Variants in SMC4 observed in about 807,000 individuals in gnomAD.
The protein encoded by SMC4 is structural maintenance of chromosomes protein 4.
In SMC4, 87 loss-of-function variants were observed where a neutral mutation model predicts 145.6. The observed-to-expected ratio is 0.60, with a 90% CI of 0.50 to 0.71. SMC4 has a LOEUF of 0.71. Ranked by LOEUF, SMC4 falls within the 30% of genes least tolerant of loss-of-function variation. The pLI, the probability that SMC4 is intolerant of heterozygous loss-of-function variation, is 0.00. For synonymous variants in SMC4, 558 were observed against 500.7 expected, an observed-to-expected ratio of 1.11 and a Z score of -1.53; for missense variants, 1,447 against 1,537.1, an observed-to-expected ratio of 0.94 and a Z score of 0.98.
chr3:160,423,221 A>G (rs1397685986), intron 13 of SMC4, among the ~76,000 whole-genome samples: 1 of 152,180 alleles, frequency 6.6e-6, no homozygotes, highest in African/African-American at 2.4e-5. Context: ...AGATCAGTTT[A>G]GATAGTATAG....
chr3:160,423,868 C>A, intron 15 of SMC4, 28 bp downstream of exon 15: 3 of 1,223,090 alleles, frequency 2.5e-6, no homozygotes, highest in African/African-American at 1.6e-5. Context: ...TGTATCCAGA[C>A]TTTTTTTTTT....
Position 160,433,210 on chromosome 3 carries a change from G to A in SMC4, c.3714+1G>A. 1 of 1,597,434 alleles carries A rather than the reference G, an allele frequency of 6.3e-7. No individual in the cohort carries two copies. The highest frequency in any genetic ancestry group is 8.6e-7 in the Non-Finnish European group (1 of 1,169,356). On this transcript the variant is annotated splice_donor_variant, in intron 23 of 23. Transcript: ENST00000357388. LOFTEE classifies it high-confidence loss of function. Reference sequence around the variant, plus strand: ...GTCCATTGTTGCATTTTATATATATGTAAGTAATCATTTTGGGATTTTCAT... The same window carrying A: ...GTCCATTGTTGCATTTTATATATATATAAGTAATCATTTTGGGATTTTCAT...
At chr3:160,413,874 C>T in intron 8 of SMC4, 1 of 318,468 alleles carries the variant, frequency 3.1e-6, no homozygotes, top group Non-Finnish European at 5.8e-6. Flanking sequence ...CATTTGGCTT[C>T]ACAGTTTAAT....
Position 160,428,941 on chromosome 3 carries a change from A to T in SMC4, c.2794A>T (p.Arg932Ter). Reference sequence around the variant, plus strand: ...CCAAGTAGCAATCAAGACTGCTGACAGGTAGAGTATGCATGTTACCCTAAC... The same window carrying T: ...CCAAGTAGCAATCAAGACTGCTGACTGGTAGAGTATGCATGTTACCCTAAC... ...KAQVAIKTAD[R>*]NLQKAQDSVL... Residue 932 changes from arginine to a stop codon, truncating the protein, a stop_gained and splice_region_variant, in exon 18 of 24, where the codon AGA becomes TGA. Coordinates refer to ENST00000357388, the MANE Select transcript of SMC4 (RefSeq NM_001002800.3). LOFTEE classifies it high-confidence loss of function. The T allele has an allele frequency of 6.3e-7, 1 of 1,582,504 alleles. No homozygotes were observed. Among genetic ancestry groups the T allele is most frequent in the South Asian group, 1.2e-5 (1 of 85,256 alleles).
intron 9 of SMC4, among the ~76,000 whole-genome samples, chr3:160,415,593 G>A (rs563683920): frequency 7.5e-4 from 114 of 152,182 alleles, no homozygotes; most frequent in Non-Finnish European, 1.2e-3. Flanking sequence ...TGATAAATAC[G>A]TTGAGTCAGT....
chr3:160,427,811 G>A (rs549977685), intron 17 of SMC4, among the ~76,000 whole-genome samples: 49 of 152,244 alleles, frequency 3.2e-4, no homozygotes, highest in African/African-American at 1.0e-3. Context: ...ATTGGGCTGC[G>A]CATGGTGGCT....
At chr3:160,405,021 G>GT (rs1715165277) in intron 5 of SMC4, among the ~76,000 whole-genome samples, 1 of 151,894 alleles carries the variant, frequency 6.6e-6, no homozygotes. Context: ...TTTAATCTTT[G>GT]TAACACTTTG....
chr3:160,417,488 C>T (rs928434093), intron 10 of SMC4: 33 of 493,960 alleles, frequency 6.7e-5, no homozygotes, highest in Non-Finnish European at 9.7e-5. Context: ...TATTCCTCAG[C>T]GTAATGATCG....
At position 160,425,503 on chromosome 3, in the gene SMC4, A is replaced by C. The variant is rs146184616; in HGVS notation, c.2478+484A>C. Among the ~76,000 whole-genome samples the C allele has an allele frequency of 4.5e-3, 679 of 152,234 alleles. 6 individuals are homozygous for C. The highest frequency in any genetic ancestry group is 0.016 in the African/African-American group (655 of 41,536). On this transcript the variant is annotated intron_variant, in intron 16 of 23. Coordinates refer to ENST00000357388, the MANE Select transcript of SMC4 (RefSeq NM_001002800.3). ...TATAAAGTGTGCATATGGTTTTTTTAATGTCATACTAGCTTTTCTTAAATT... is the reference window on the plus strand; with the variant it reads ...TATAAAGTGTGCATATGGTTTTTTTCATGTCATACTAGCTTTTCTTAAATT...
chr3:160,432,339 C>T lies in SMC4; in HGVS notation c.3354C>T (p.Asp1118=), dbSNP rs760560786. The T allele has an allele frequency of 1.2e-6, 2 of 1,613,026 alleles. No individual in the cohort carries two copies. Among genetic ancestry groups the T allele is most frequent in the Admixed American group, 1.7e-5 (1 of 59,796 alleles). The part of the protein sequence containing the change: ...AELDKITYER[D]SFRQAYEDLR... ...TGGACAAAATTACTTATGAAAGAGA[C>T]AGTTTTAGACAGGCATATGAAGATC... Residue 1118 remains aspartate, a synonymous_variant, in exon 22 of 24, where the codon GAC becomes GAT. Coordinates refer to ENST00000357388, the MANE Select transcript of SMC4 (RefSeq NM_001002800.3).
chr3:160,401,061 G>T, intron 2 of SMC4, 96 bp downstream of exon 2: 1 of 1,328,110 alleles, frequency 7.5e-7, no homozygotes, highest in Non-Finnish European at 9.6e-7. Context: ...TGAGCGCGGA[G>T]TTGACATCTG....
At chr3:160,413,447 TC>T in intron 7 of SMC4, 25 bp from the exon 8 acceptor site, 2 of 1,561,450 alleles carry the variant, frequency 1.3e-6, no homozygotes, top group Non-Finnish European at 8.6e-7. Context: ...AGCTTCAATT[TC>T]TTTTTTTTTT....
chr3:160,406,154 G>A (rs1169567065), intron 5 of SMC4, among the ~76,000 whole-genome samples: 6 of 152,070 alleles, frequency 3.9e-5, no homozygotes, highest in Non-Finnish European at 8.8e-5. Context: ...GGATGCTAAA[G>A]CCAATTTGTT....
chr3:160,409,251 G>A (rs1715695497), intron 5 of SMC4, among the ~76,000 whole-genome samples: 2 of 114,426 alleles, frequency 1.7e-5, no homozygotes, highest in African/African-American at 7.0e-5. Context: ...GGGCGACAGA[G>A]CGAAACTCCG....
chr3:160,431,169 T>C lies in SMC4; in HGVS notation c.3078T>C (p.Ala1026=), dbSNP rs1718363996. ...LKLEQIDGHI[A]EHNSKIKYWH... is the part of the protein sequence containing the mutation. ...TTGAACAAATAGATGGTCACATTGC[T>C]GAACATAATTCTAAAATAAAATATT... The change falls in exon 20 of 24, where the codon GCT becomes GCC. Residue 1026 remains alanine (A), a synonymous_variant. Transcript: ENST00000357388. The C allele has an allele frequency of 6.3e-7, 1 of 1,591,420 alleles. No homozygotes were observed. Among genetic ancestry groups the C allele is most frequent in the African/African-American group, 1.4e-5 (1 of 73,384 alleles).
chr3:160,411,123 A>G (rs1252369537), intron 5 of SMC4, among the ~76,000 whole-genome samples: 2 of 151,902 alleles, frequency 1.3e-5, no homozygotes, highest in African/African-American at 4.8e-5. Context: ...TTTTCTCTTT[A>G]CTCTTCATAA....
rs1718323350 is a variant in SMC4 at position 160,430,814 on chromosome 3, CAG to C, written c.2940+72_2940+73del. On this transcript the variant is annotated intron_variant, in intron 19 of 23. Coordinates refer to ENST00000357388, the MANE Select transcript of SMC4 (RefSeq NM_001002800.3). ...CCAATTTAAAGAGCTGGATATATGA[CAG>C]TGCCTAGAATGTAGTAAGCACTCAT... 3.3e-6 allele frequency: 5 copies of C among 1,506,134 alleles called. No individual in the cohort carries two copies. In the South Asian group the frequency reaches 5.3e-5, roughly 16 times the overall value. The allele number at this position is 1,506,134 out of a possible 1,614,324, so 93.3% of individuals were successfully genotyped here.
At chr3:160,415,407 G>A (rs1456057861) in intron 9 of SMC4, among the ~76,000 whole-genome samples, 2 of 152,126 alleles carry the variant, frequency 1.3e-5, no homozygotes, top group African/African-American at 2.4e-5. Context: ...CTCTTAAGCT[G>A]TGTTCATGTT....
intron 9 of SMC4, 64 bp from the exon 10 acceptor site, chr3:160,416,187 C>A: frequency 8.4e-7 from 1 of 1,189,976 alleles, no homozygotes; most frequent in East Asian, 2.5e-5. Flanking sequence ...TTAAATATGT[C>A]AAATATTGAT....
Sources: allele counts gnomAD v4.1 joint callset (sites outside exome capture counted in the v4.1 genomes callset), GRCh38; gene constraint gnomAD v4.1.1; transcripts MANE v1.5; gene names NCBI Gene and HGNC (gene_info 2026-07-23, HGNC 2026-07-21).